ISM1: variants seen among roughly 807,000 people sequenced by gnomAD.
ISM1 encodes the protein isthmin-1.
ISM1 carries 25 observed loss-of-function variants against 46.3 expected under a neutral mutation model. That is an observed-to-expected ratio of 0.54 (90% confidence interval 0.39 to 0.75). The LOEUF (loss-of-function observed/expected upper bound fraction) is 0.75, where lower values mean the gene tolerates loss of function less well. Ranked by LOEUF, ISM1 falls within the 30% of genes least tolerant of loss-of-function variation. The probability of loss-of-function intolerance (pLI) is 0.00; values close to 1 mark genes in which losing one functional copy is unlikely to be tolerated. For synonymous variants in ISM1, 255 were observed against 256.7 expected (o/e 0.99, Z 0.06); for missense variants, 536 against 625.4 (o/e 0.86, Z 1.52).
rs181253023 is a variant in ISM1 at position 13,288,595 on chromosome 20, C to A, written c.699C>A (p.Cys233Ter). The A allele has an allele frequency of 6.2e-7, 1 of 1,613,910 alleles. No homozygotes were observed. The highest frequency in any genetic ancestry group is 8.5e-7 in the Non-Finnish European group (1 of 1,179,870). Residue 233 changes from cysteine to a stop codon, truncating the protein, a stop_gained, in exon 4 of 6, where the codon TGC (cysteine) becomes TGA (stop). Transcript: ENST00000262487. LOFTEE classifies it high-confidence loss of function. ...WSLWSVCSVT[C>*]GNGNQKRTRS... ...TCTGGTCTGTCTGCAGCGTCACCTG[C>A]GGGAACGGCAACCAGAAACGGACCC...
intron 1 of ISM1, among the ~76,000 whole-genome samples, chr20:13,251,157 G>A (rs959268844): frequency 2.0e-5 from 3 of 152,142 alleles, no homozygotes; most frequent in Non-Finnish European, 2.9e-5. Flanking sequence ...GCAAAGCCCT[G>A]GGGATTTCTT....
chr20:13,277,443 T>C (rs2040192444), intron 2 of ISM1, among the ~76,000 whole-genome samples: 1 of 148,788 alleles, frequency 6.7e-6, no homozygotes. Context: ...GAAGAAAGGT[T>C]ATGTCTCCAA....
chr20:13,296,930 A>G (rs1292328629), intron 5 of ISM1, among the ~76,000 whole-genome samples: 11 of 152,080 alleles, frequency 7.2e-5, no homozygotes. Context: ...AGGCAGGAGA[A>G]TTGCTTGAAC....
intron 4 of ISM1, 62 bp from the exon 5 acceptor site, chr20:13,292,311 TG>T: frequency 1.0e-6 from 1 of 964,334 alleles, no homozygotes; most frequent in South Asian, 1.5e-5. Context: ...TTTTTATTGT[TG>T]GGGTGGGGGA....
intron 1 of ISM1, among the ~76,000 whole-genome samples, chr20:13,247,009 G>T (rs1469406169): frequency 6.6e-6 from 1 of 152,138 alleles, no homozygotes; most frequent in South Asian, 2.1e-4. Context: ...GCTGAGGCGG[G>T]TGGATCACCT....
At chr20:13,314,232 C>A in the ISM1 span, among the ~76,000 whole-genome samples, 4 of 152,032 alleles carry the variant, frequency 2.6e-5, no homozygotes, top group Admixed American at 6.5e-5. Flanking sequence ...CAGAATTTCC[C>A]TCAAATTAAT....
At chr20:13,317,986 A>T in the ISM1 span, among the ~76,000 whole-genome samples, 1 of 152,032 alleles carries the variant, frequency 6.6e-6, no homozygotes, top group Non-Finnish European at 1.5e-5. Flanking sequence ...TGTGAAAGAC[A>T]CTGTCTGCAT....
At chr20:13,233,119 C>T (rs2039608418) in intron 1 of ISM1, among the ~76,000 whole-genome samples, 1 of 152,182 alleles carries the variant, frequency 6.6e-6, no homozygotes, top group African/African-American at 2.4e-5. Context: ...TTCTCTTGCC[C>T]CATTCCTTGT....
intron 1 of ISM1, among the ~76,000 whole-genome samples, chr20:13,228,608 A>G (rs1443170467): frequency 6.6e-6 from 1 of 151,998 alleles, no homozygotes; most frequent in Non-Finnish European, 1.5e-5. Flanking sequence ...AAATTTTACC[A>G]GGTTGTGTTT....
At chr20:13,295,002 A>T (rs2040392860) in intron 5 of ISM1, among the ~76,000 whole-genome samples, 2 of 151,868 alleles carry the variant, frequency 1.3e-5, no homozygotes, top group Non-Finnish European at 2.9e-5. Flanking sequence ...GACATGCCCA[A>T]TTTTTCTCTT....
At chr20:13,293,306 A>T (rs1272681989) in intron 5 of ISM1, among the ~76,000 whole-genome samples, 1 of 152,228 alleles carries the variant, frequency 6.6e-6, no homozygotes, top group Admixed American at 6.5e-5. Flanking sequence ...TGTAAACCAA[A>T]CAAAATGGAA....
At chr20:13,247,517 GGTGTGTGTGTGTGT>G (rs35224672) in intron 1 of ISM1, among the ~76,000 whole-genome samples, 2 of 139,912 alleles carry the variant, frequency 1.4e-5, no homozygotes, top group African/African-American at 2.7e-5. Flanking sequence ...CAAAGTGAGG[GGTGTGTGTGTGTGT>G]GTGTGTGTGT....
intron 1 of ISM1, among the ~76,000 whole-genome samples, chr20:13,265,590 T>C (rs2040033826): frequency 6.6e-6 from 1 of 152,142 alleles, no homozygotes; most frequent in Non-Finnish European, 1.5e-5. Flanking sequence ...ATCTGTGCCT[T>C]CCCCGCCCAA....
chr20:13,252,078 A>G (rs2123196000), intron 1 of ISM1, among the ~76,000 whole-genome samples: 1 of 152,158 alleles, frequency 6.6e-6, no homozygotes, highest in East Asian at 1.9e-4. Context: ...TGAAAAGAGC[A>G]TTTTCTTGGG....
intron 1 of ISM1, among the ~76,000 whole-genome samples, chr20:13,243,026 A>T (rs1271038680): frequency 1.3e-5 from 2 of 152,190 alleles, no homozygotes; most frequent in Non-Finnish European, 2.9e-5. Flanking sequence ...TGTCCAAGTC[A>T]CACAGATAGC....
intron 1 of ISM1, among the ~76,000 whole-genome samples, chr20:13,222,492 G>A (rs1044831800): frequency 3.3e-5 from 5 of 151,994 alleles, no homozygotes; most frequent in Admixed American, 3.3e-4. Flanking sequence ...CTCGCCTGAG[G>A]TTCCCCCCTC....
At position 13,279,723 on chromosome 20, in the gene ISM1, C is replaced by T. The variant is rs770761757; in HGVS notation, c.468C>T (p.Pro156=). The change falls in exon 3 of 6, where the codon CCC becomes CCT. Residue 156 remains proline (P), a synonymous_variant. Transcript: ENST00000262487. ...ENKPSWSVPS[P]DWRAWWQRSL... Reference sequence around the variant, plus strand: ...AGCCCAGCTGGTCAGTCCCATCCCCCGACTGGCGGGCCTGGTGGCAGAGGT... The same window carrying T: ...AGCCCAGCTGGTCAGTCCCATCCCCTGACTGGCGGGCCTGGTGGCAGAGGT... 26 of 1,613,914 alleles carry T rather than the reference C, an allele frequency of 1.6e-5. No homozygotes were observed. The highest frequency in any genetic ancestry group is 2.1e-5 in the Non-Finnish European group (25 of 1,179,908).
intron 1 of ISM1, among the ~76,000 whole-genome samples, chr20:13,254,651 G>A (rs756734661): frequency 6.6e-6 from 1 of 152,168 alleles, no homozygotes; most frequent in Non-Finnish European, 1.5e-5. Context: ...AAAGGGAGAA[G>A]CTGGGCACTA....
chr20:13,293,207 CAA>C (rs397865981), intron 5 of ISM1, among the ~76,000 whole-genome samples: 25 of 87,406 alleles, frequency 2.9e-4, no homozygotes, highest in Admixed American at 5.2e-4. Flanking sequence ...GACTCCGTCT[CAA>C]AAAAAAAAAA....
Sources: gnomAD v4.1 joint callset for allele counts (sites outside exome capture counted in the v4.1 genomes callset) on GRCh38, gnomAD v4.1.1 for gene constraint, MANE v1.5 for transcripts, NCBI Gene and HGNC (gene_info 2026-07-23, HGNC 2026-07-21) for gene names.